The following PTTG1IP2 variants were observed in gnomAD, a reference collection of about 807,000 sequenced individuals.
The protein encoded by PTTG1IP2 is PTTG1IP family member 2.
intron 1 of PTTG1IP2, among the ~76,000 whole-genome samples, chr7:90,472,576 C>G (rs1797704563): frequency 6.6e-6 from 1 of 152,120 alleles, no homozygotes; most frequent in South Asian, 2.1e-4. Context: ...GTGAACACAC[C>G]AAGAATATTT....
chr7:90,505,410 C>T (rs1798112832), intron 6 of PTTG1IP2, among the ~76,000 whole-genome samples: 1 of 152,162 alleles, frequency 6.6e-6, no homozygotes, highest in Non-Finnish European at 1.5e-5. Flanking sequence ...AATTTGGATG[C>T]CCAAATAATT....
chr7:90,509,333 T>C (rs1201511317), intron 6 of PTTG1IP2, among the ~76,000 whole-genome samples: 1 of 151,954 alleles, frequency 6.6e-6, no homozygotes, highest in African/African-American at 2.4e-5. Flanking sequence ...TGGGAAGAAG[T>C]GACAGACTTG....
intron 6 of PTTG1IP2, among the ~76,000 whole-genome samples, chr7:90,507,267 C>T (rs1466340677): frequency 6.6e-6 from 1 of 151,942 alleles, no homozygotes; most frequent in Non-Finnish European, 1.5e-5. Context: ...TAAATGAAAC[C>T]CTGATAATAG....
chr7:90,493,199 G>T (rs1797958549), intron 5 of PTTG1IP2, among the ~76,000 whole-genome samples: 1 of 152,142 alleles, frequency 6.6e-6, no homozygotes, highest in Non-Finnish European at 1.5e-5. Context: ...GGGGCATAAT[G>T]ATAGGGAATG....
At chr7:90,486,512 C>T (rs1797876657) in intron 2 of PTTG1IP2, among the ~76,000 whole-genome samples, 1 of 138,378 alleles carries the variant, frequency 7.2e-6, no homozygotes, top group Non-Finnish European at 1.6e-5. Context: ...CTGGTTTTAC[C>T]TCCCATAATG....
chr7:90,476,223 A>G (rs1797746577), intron 1 of PTTG1IP2, among the ~76,000 whole-genome samples: 1 of 152,214 alleles, frequency 6.6e-6, no homozygotes, highest in Non-Finnish European at 1.5e-5. Flanking sequence ...TTAATTCTAA[A>G]TAATTTATTA....
At chr7:90,482,858 A>T (rs1375501294) in intron 2 of PTTG1IP2, among the ~76,000 whole-genome samples, 2 of 152,146 alleles carry the variant, frequency 1.3e-5, no homozygotes, top group Non-Finnish European at 2.9e-5. Context: ...TGGTTGGTTG[A>T]GACAAAAAGG....
chr7:90,511,318 G>A (rs990629067), intron 6 of PTTG1IP2, among the ~76,000 whole-genome samples: 1 of 152,148 alleles, frequency 6.6e-6, no homozygotes, highest in Non-Finnish European at 1.5e-5. Context: ...TTAGAGAACA[G>A]ATATACTGTA....
At chr7:90,482,105 C>A (rs1299946217) in intron 2 of PTTG1IP2, among the ~76,000 whole-genome samples, 3 of 152,058 alleles carry the variant, frequency 2.0e-5, no homozygotes, top group Admixed American at 2.0e-4. Context: ...AGATCCCCTG[C>A]CCTCCCAGAA....
At chr7:90,483,392 C>T (rs988662843) in intron 2 of PTTG1IP2, among the ~76,000 whole-genome samples, 2 of 152,164 alleles carry the variant, frequency 1.3e-5, no homozygotes, top group Non-Finnish European at 2.9e-5. Context: ...ATCCCTTAGT[C>T]CTTGCCTCTA....
chr7:90,491,802 AGG>A (rs1343593203), intron 4 of PTTG1IP2, among the ~76,000 whole-genome samples: 1 of 151,902 alleles, frequency 6.6e-6, no homozygotes, highest in African/African-American at 2.4e-5. Context: ...CTCCTGGTGG[AGG>A]GATAAAAGAA....
At chr7:90,503,191 T>C (rs988325675) in intron 6 of PTTG1IP2, among the ~76,000 whole-genome samples, 2 of 152,194 alleles carry the variant, frequency 1.3e-5, no homozygotes, top group Non-Finnish European at 1.5e-5. Context: ...TAGATTCCAA[T>C]GTTTCTTCTG....
intron 1 of PTTG1IP2, among the ~76,000 whole-genome samples, chr7:90,478,790 G>C (rs1797781324): frequency 6.7e-6 from 1 of 150,190 alleles, no homozygotes; most frequent in Non-Finnish European, 1.5e-5. Flanking sequence ...TTTGGGAAAA[G>C]TTTTTAAAGC....
chr7:90,497,034 T>G (rs1264202794), intron 6 of PTTG1IP2, among the ~76,000 whole-genome samples: 1 of 152,226 alleles, frequency 6.6e-6, no homozygotes, highest in East Asian at 1.9e-4. Context: ...TTTCATATCA[T>G]CACGGTCAGA....
chr7:90,505,898 G>A (rs1798117559), intron 6 of PTTG1IP2, among the ~76,000 whole-genome samples: 1 of 146,666 alleles, frequency 6.8e-6, no homozygotes, highest in African/African-American at 2.5e-5. Context: ...GCAGGAGAAT[G>A]GCTTGAACCC....
At chr7:90,499,189 G>C (rs1438319135) in intron 6 of PTTG1IP2, among the ~76,000 whole-genome samples, 1 of 152,104 alleles carries the variant, frequency 6.6e-6, no homozygotes, top group Non-Finnish European at 1.5e-5. Context: ...GAATAAAGAT[G>C]AGTTATTTAT....
chr7:90,501,279 T>G (rs1157417092), intron 6 of PTTG1IP2, among the ~76,000 whole-genome samples: 1 of 152,254 alleles, frequency 6.6e-6, no homozygotes, highest in Admixed American at 6.5e-5. Context: ...CATTATTTTT[T>G]TGTTTTCCAG....
chr7:90,494,293 A>T (rs1342691322), intron 5 of PTTG1IP2, 74 bp from the exon 6 acceptor site: 3 of 152,222 alleles, frequency 2.0e-5, no homozygotes, highest in African/African-American at 4.8e-5. Context: ...TTAACATTTT[A>T]AAAATTACGT....
intron 6 of PTTG1IP2, among the ~76,000 whole-genome samples, chr7:90,497,742 AAAG>A (rs1451241762): frequency 0.011 from 1,546 of 135,394 alleles, 92 homozygotes; most frequent in African/African-American, 0.031. Context: ...AAAAAAAAAA[AAAG>A]AAGAAGAAGA....
Sources: gnomAD v4.1 joint callset for allele counts (sites outside exome capture counted in the v4.1 genomes callset) on GRCh38, gnomAD v4.1.1 for gene constraint, MANE v1.5 for transcripts, NCBI Gene and HGNC (gene_info 2026-07-23, HGNC 2026-07-21) for gene names.